Variants in VOPP1 observed in about 807,000 individuals in gnomAD.
VOPP1 encodes WW domain binding protein VOPP1.
In VOPP1, 8 loss-of-function variants were observed where a neutral mutation model predicts 23.5. The observed-to-expected ratio is 0.34, with a 90% CI of 0.20 to 0.61. VOPP1 has a LOEUF of 0.61. Ranked by LOEUF, VOPP1 falls within the 20% of genes least tolerant of loss-of-function variation. The pLI is 0.78. For synonymous variants in VOPP1, 83 were observed against 97.3 expected (o/e 0.85, Z 0.86); for missense variants, 174 against 238.1 (o/e 0.73, Z 1.77).
At chr7:55,534,945 G>A (rs1796698128) in intron 1 of VOPP1, among the ~76,000 whole-genome samples, 1 of 152,238 alleles carries the variant, frequency 6.6e-6, no homozygotes, top group Admixed American at 6.5e-5. Flanking sequence ...AAAGGAGGCT[G>A]GCATCAAAAG....
intron 1 of VOPP1, among the ~76,000 whole-genome samples, chr7:55,561,458 C>A: frequency 6.6e-6 from 1 of 152,062 alleles, no homozygotes; most frequent in East Asian, 1.9e-4. Flanking sequence ...TACCTGTAGT[C>A]CCAGCTCTCT....
intron 1 of VOPP1, among the ~76,000 whole-genome samples, chr7:55,538,880 T>G (rs1293399070): frequency 6.6e-6 from 1 of 151,308 alleles, no homozygotes; most frequent in African/African-American, 2.4e-5. Flanking sequence ...CCCATCTGTG[T>G]ACTTTTAACC....
At chr7:55,437,624 T>C (rs1790864161) in intron 4 of VOPP1, among the ~76,000 whole-genome samples, 1 of 152,210 alleles carries the variant, frequency 6.6e-6, no homozygotes, top group Non-Finnish European at 1.5e-5. Flanking sequence ...TGTCTTTCAA[T>C]TCTAGGAAAT....
At chr7:55,511,001 G>C (rs763505287) in intron 2 of VOPP1, among the ~76,000 whole-genome samples, 2 of 152,116 alleles carry the variant, frequency 1.3e-5, no homozygotes, top group Admixed American at 6.5e-5. Context: ...TTAACTGTTA[G>C]AGGCCTCTGT....
At position 55,463,118 on chromosome 7, in the gene VOPP1, G is replaced by A. The variant is rs149346603; in HGVS notation, n.418-26944C>T. 3.2e-3 allele frequency among the ~76,000 whole-genome samples: 482 copies of A among 152,202 alleles called. 2 individuals carry two copies. Among genetic ancestry groups the A allele is most frequent in the South Asian group, 0.015 (73 of 4,828 alleles). ...TATTATCTTAATTTTAAAATTTGTTGAGATTTATTTTGTGGCCAAACATAT... is the reference window on the plus strand; with the variant it reads ...TATTATCTTAATTTTAAAATTTGTTAAGATTTATTTTGTGGCCAAACATAT... On this transcript the variant is annotated intron_variant and non_coding_transcript_variant, in intron 4 of 4. Transcript: ENST00000462326.
chr7:55,493,445 CGA>C, intron 3 of VOPP1, among the ~76,000 whole-genome samples: 1 of 152,334 alleles, frequency 6.6e-6, no homozygotes, highest in African/African-American at 2.4e-5. Flanking sequence ...TAAGAGCGTA[CGA>C]TAAAGCCTTT....
At chr7:55,572,168 C>A (rs1798387331) in intron 1 of VOPP1, 103 bp downstream of exon 1, 2 of 925,680 alleles carry the variant, frequency 2.2e-6, no homozygotes, top group Non-Finnish European at 3.1e-6. Flanking sequence ...CCACCGTCTG[C>A]GCTCCCAGGC....
intron 1 of VOPP1, among the ~76,000 whole-genome samples, chr7:55,545,871 C>A (rs1568826): frequency 0.3 from 45,335 of 151,606 alleles, 6,925 homozygotes; most frequent in South Asian, 0.36. Context: ...GAGTTTGAGA[C>A]CAGCCCGGGC....
intron 2 of VOPP1, among the ~76,000 whole-genome samples, chr7:55,517,155 C>A (rs1231769763): frequency 3.3e-5 from 5 of 150,588 alleles, no homozygotes; most frequent in Non-Finnish European, 7.4e-5. Flanking sequence ...CACCATGTTG[C>A]CCAGGGTGGT....
chr7:55,509,493 T>TA (rs1192482722), intron 2 of VOPP1, among the ~76,000 whole-genome samples: 1 of 152,158 alleles, frequency 6.6e-6, no homozygotes, highest in Non-Finnish European at 1.5e-5. Flanking sequence ...CCTCATGACT[T>TA]AAGTCACTTC....
At chr7:55,546,079 T>TA (rs982234554) in intron 1 of VOPP1, among the ~76,000 whole-genome samples, 3 of 151,712 alleles carry the variant, frequency 2.0e-5, no homozygotes, top group Non-Finnish European at 4.4e-5. Flanking sequence ...TTAAAAAAAA[T>TA]AAAATAAAGA....
At chr7:55,481,030 C>T (rs954309106) in intron 4 of VOPP1, among the ~76,000 whole-genome samples, 3 of 152,212 alleles carry the variant, frequency 2.0e-5, no homozygotes, top group African/African-American at 7.2e-5. Context: ...GCCATTCTTC[C>T]TTGTGTCTGC....
At chr7:55,495,899 T>C (rs898828318) in intron 3 of VOPP1, among the ~76,000 whole-genome samples, 1 of 152,238 alleles carries the variant, frequency 6.6e-6, no homozygotes, top group South Asian at 2.1e-4. Context: ...GGCACTCAGA[T>C]CTTCCAACAG....
chr7:55,570,475 T>A (rs758535579), intron 1 of VOPP1, among the ~76,000 whole-genome samples: 1 of 152,170 alleles, frequency 6.6e-6, no homozygotes, highest in Non-Finnish European at 1.5e-5. Context: ...TGAACTCCTA[T>A]TAAGAGGATA....
At chr7:55,466,114 A>C (rs1791625055), downstream of VOPP1, among the ~76,000 whole-genome samples, 1 of 152,186 alleles carries the variant, frequency 6.6e-6, no homozygotes, top group Non-Finnish European at 1.5e-5. Flanking sequence ...CCATCTATGA[A>C]CCACGAAGCA....
At chr7:55,550,772 T>A (rs989111061) in intron 1 of VOPP1, among the ~76,000 whole-genome samples, 10 of 152,178 alleles carry the variant, frequency 6.6e-5, no homozygotes, top group Non-Finnish European at 1.3e-4. Context: ...TAACGACCAG[T>A]GTATGAAAAT....
intron 4 of VOPP1, among the ~76,000 whole-genome samples, chr7:55,486,141 A>G (rs561064786): frequency 6.6e-6 from 1 of 152,376 alleles, no homozygotes; most frequent in South Asian, 2.1e-4. Context: ...ACAGTGGGCA[A>G]GGGACTTAAA....
Position 55,550,335 on chromosome 7 carries a change from C to T in VOPP1, c.54+21936G>A, listed in dbSNP as rs1163284065. On this transcript the variant is annotated intron_variant, in intron 1 of 4. Transcript: ENST00000285279. Reference sequence around the variant, plus strand: ...GTACCTAAGTGTACATAAATAAGGGCGAAGATCCAAACCTTGTAACACAGG... The same window carrying T: ...GTACCTAAGTGTACATAAATAAGGGTGAAGATCCAAACCTTGTAACACAGG... Among the ~76,000 whole-genome samples the T allele has an allele frequency of 4.6e-5, 7 of 152,266 alleles. No homozygotes were observed. In the East Asian group the frequency reaches 1.2e-3, roughly 25 times the overall value.
intron 1 of VOPP1, among the ~76,000 whole-genome samples, chr7:55,550,688 G>A (rs192243412): frequency 2.8e-3 from 433 of 152,262 alleles, no homozygotes; most frequent in Non-Finnish European, 5.2e-3. Context: ...TTATACAGCC[G>A]CTAACAGGCT....
Sources: allele counts gnomAD v4.1 joint callset (sites outside exome capture counted in the v4.1 genomes callset), GRCh38; gene constraint gnomAD v4.1.1; transcripts MANE v1.5; gene names NCBI Gene and HGNC (gene_info 2026-07-23, HGNC 2026-07-21).